GPC5: variants seen among roughly 807,000 people sequenced by gnomAD.
GPC5 encodes glypican 5.
Under a neutral mutation model 53.9 loss-of-function variants are expected in GPC5, and 47 were observed. That is an observed-to-expected ratio of 0.87 (90% CI 0.69 to 1.11). The LOEUF is 1.11. Among genes scored for constraint, GPC5 ranks in the 50% most tolerant of loss-of-function variants. GPC5 has a pLI of 0.00. For missense variants in GPC5, 748 were observed against 713.1 expected (o/e 1.05, Z -0.56); for synonymous variants, 286 against 263.3 (o/e 1.09, Z -0.84).
chr13:92,517,444 G>A (rs1484005286), intron 7 of GPC5, among the ~76,000 whole-genome samples: 1 of 152,162 alleles, frequency 6.6e-6, no homozygotes, highest in Non-Finnish European at 1.5e-5. Context: ...CCAAGTAGGG[G>A]CAGACTGACA....
intron 7 of GPC5, among the ~76,000 whole-genome samples, chr13:92,565,098 T>C (rs1029267634): frequency 3.3e-5 from 5 of 152,090 alleles, no homozygotes; most frequent in African/African-American, 7.2e-5. Context: ...TCATAAGCCA[T>C]TCTGGAGTCC....
chr13:91,415,663 G>T (rs1878160678), intron 1 of GPC5, among the ~76,000 whole-genome samples: 1 of 136,938 alleles, frequency 7.3e-6, no homozygotes, highest in Non-Finnish European at 1.5e-5. Flanking sequence ...TGTGAATTTA[G>T]AGAAATTTAA....
At chr13:91,918,172 A>G (rs1033427565) in intron 6 of GPC5, among the ~76,000 whole-genome samples, 13 of 152,182 alleles carry the variant, frequency 8.5e-5, no homozygotes, top group Admixed American at 8.5e-4. Flanking sequence ...GGGAAATGTC[A>G]GACACTTTTA....
chr13:92,723,040 G>T (rs1203420800), intron 7 of GPC5, among the ~76,000 whole-genome samples: 1 of 151,574 alleles, frequency 6.6e-6, no homozygotes, highest in Non-Finnish European at 1.5e-5. Context: ...ACAGAACCGG[G>T]TTTAAATCCC....
At chr13:92,297,691 A>C (rs1475984704) in intron 7 of GPC5, among the ~76,000 whole-genome samples, 1 of 152,160 alleles carries the variant, frequency 6.6e-6, no homozygotes, top group Non-Finnish European at 1.5e-5. Context: ...GCGCCCTGAC[A>C]AAACAGGCCT....
At chr13:92,320,573 T>C (rs2139222179) in intron 7 of GPC5, among the ~76,000 whole-genome samples, 1 of 152,300 alleles carries the variant, frequency 6.6e-6, no homozygotes, top group South Asian at 2.1e-4. Context: ...ATAAGTGTTT[T>C]ATTAAGCTAA....
At chr13:92,613,080 T>C (rs563334026) in intron 7 of GPC5, among the ~76,000 whole-genome samples, 15 of 150,758 alleles carry the variant, frequency 9.9e-5, no homozygotes, top group Middle Eastern at 3.4e-3. Flanking sequence ...ACCTAAATGA[T>C]CGAGACTTTG....
At chr13:92,846,598 G>A (rs745442945) in intron 7 of GPC5, among the ~76,000 whole-genome samples, 21 of 152,198 alleles carry the variant, frequency 1.4e-4, no homozygotes, top group Non-Finnish European at 2.9e-4. Context: ...CCAGATTGTC[G>A]CAGCTTTAGT....
At position 92,779,082 on chromosome 13, in the gene GPC5, G is replaced by A. The variant is rs142188187; in HGVS notation, c.1562-87200G>A. Among the ~76,000 whole-genome samples the A allele has an allele frequency of 2.0e-5, 3 of 152,122 alleles. No individual in the cohort carries two copies. The East Asian group carries it at 5.8e-4, about 29-fold the overall frequency. ...AGACATACCTGAGACTGGGCAAAGA[G>A]ACTTACTGGACTTACAGTTCCACAT... On this transcript the variant is annotated intron_variant, in intron 7 of 7. Transcript: ENST00000377067.
At chr13:92,110,953 A>G (rs556541908) in intron 6 of GPC5, among the ~76,000 whole-genome samples, 3 of 152,304 alleles carry the variant, frequency 2.0e-5, no homozygotes, top group Non-Finnish European at 2.9e-5. Flanking sequence ...AAAAACTTGT[A>G]TGTATCACCT....
intron 2 of GPC5, among the ~76,000 whole-genome samples, chr13:91,688,197 C>T (rs1304126201): frequency 1.3e-5 from 2 of 151,780 alleles, no homozygotes; most frequent in South Asian, 2.1e-4. Context: ...CTGATTTTAC[C>T]AATTTTAATT....
At chr13:92,342,376 A>C (rs1429699238) in intron 7 of GPC5, among the ~76,000 whole-genome samples, 2 of 152,120 alleles carry the variant, frequency 1.3e-5, no homozygotes, top group African/African-American at 4.8e-5. Context: ...TTTGTGTATG[A>C]AGTTCATTGT....
At chr13:91,433,683 C>G (rs1879676542) in intron 1 of GPC5, among the ~76,000 whole-genome samples, 1 of 152,044 alleles carries the variant, frequency 6.6e-6, no homozygotes, top group South Asian at 2.1e-4. Context: ...GTCTTTATAG[C>G]AGCATGATTT....
intron 7 of GPC5, among the ~76,000 whole-genome samples, chr13:92,422,532 A>ACACAC (rs1566583701): frequency 7.6e-6 from 1 of 131,094 alleles, no homozygotes; most frequent in African/African-American, 3.7e-5. Context: ...ACACACACAC[A>ACACAC]ACTTCTTGGA....
rs185293272 is a variant in GPC5, at chr13:92,286,297, A to G, written c.1561+141308A>G. Among the ~76,000 whole-genome samples, 304 of 152,276 alleles carry G rather than the reference A, an allele frequency of 2.0e-3. 1 individual carries two copies. The highest frequency in any genetic ancestry group is 7.0e-3 in the African/African-American group (291 of 41,544). ...TTTTACACTGTTGGTGGGATTGTAA[A>G]CTAGTTCAACCATTGTGGAAGACAG... On this transcript the variant is annotated intron_variant, in intron 7 of 7. Transcript: ENST00000377067.
chr13:92,692,941 G>A (rs1887456409), intron 7 of GPC5, among the ~76,000 whole-genome samples: 2 of 151,614 alleles, frequency 1.3e-5, no homozygotes, highest in African/African-American at 2.4e-5. Flanking sequence ...GGAGAGACCT[G>A]GTGGGAGGTG....
At chr13:91,486,304 T>C (rs1355668213) in intron 2 of GPC5, 1 of 152,218 alleles carries the variant, frequency 6.6e-6, no homozygotes, top group Non-Finnish European at 1.5e-5. Flanking sequence ...CTTTTTAACA[T>C]TACCCTGCAG....
intron 5 of GPC5, among the ~76,000 whole-genome samples, chr13:91,849,033 G>A (rs2038883615): frequency 1.3e-5 from 2 of 152,150 alleles, no homozygotes; most frequent in South Asian, 4.1e-4. Context: ...AACTGCCGTG[G>A]AAAAATTAGT....
intron 6 of GPC5, among the ~76,000 whole-genome samples, chr13:91,987,774 A>G (rs1382369533): frequency 2.1e-5 from 3 of 144,956 alleles, no homozygotes; most frequent in Admixed American, 7.1e-5. Flanking sequence ...GTATAATACT[A>G]TTTATATATA....
Sources: gnomAD v4.1 joint callset for allele counts (sites outside exome capture counted in the v4.1 genomes callset) on GRCh38, gnomAD v4.1.1 for gene constraint, MANE v1.5 for transcripts, NCBI Gene and HGNC (gene_info 2026-07-23, HGNC 2026-07-21) for gene names.